Variants in MAP2K5 observed in about 807,000 individuals in gnomAD.
The protein encoded by MAP2K5 is mitogen-activated protein kinase kinase 5, also known as dual specificity mitogen-activated protein kinase kinase 5.
A neutral mutation model predicts 83.1 loss-of-function variants in MAP2K5; 49 were observed. The ratio of observed to expected loss-of-function variants is 0.59; its 90% confidence interval spans 0.47 to 0.75. The LOEUF (loss-of-function observed/expected upper bound fraction) is 0.75, where lower values mean the gene tolerates loss of function less well. Among genes scored for constraint, MAP2K5 ranks in the 30% least tolerant of loss-of-function variants. MAP2K5 has a pLI of 0.00. For missense variants in MAP2K5, 457 were observed against 557.5 expected (o/e 0.82, Z 1.82); for synonymous variants, 202 against 191.8 (o/e 1.05, Z -0.44).
At chr15:67,707,154 A>G (rs2088575312) in intron 16 of MAP2K5, among the ~76,000 whole-genome samples, 1 of 152,184 alleles carries the variant, frequency 6.6e-6, no homozygotes, top group African/African-American at 2.4e-5. Context: ...TGACCTTGTG[A>G]TCTGCCCGTC....
rs541118793 is a variant in MAP2K5 at position 67,792,752 on chromosome 15, G to A, written c.1243-13894G>A. ...GTGAGATATTTCTTTTCCGCCCCCCGCTTTGACCATAAATCTTAAAAGTAA... is the reference window on the plus strand; with the variant it reads ...GTGAGATATTTCTTTTCCGCCCCCCACTTTGACCATAAATCTTAAAAGTAA... On this transcript the variant is annotated intron_variant, in intron 21 of 21. Transcript: ENST00000178640. Among the ~76,000 whole-genome samples the A allele has an allele frequency of 6.0e-4, 91 of 152,240 alleles. 1 individual carries two copies. The highest frequency in any genetic ancestry group is 2.1e-3 in the Admixed American group (32 of 15,282).
chr15:67,726,034 T>G (rs375358838), intron 16 of MAP2K5, among the ~76,000 whole-genome samples: 7 of 152,320 alleles, frequency 4.6e-5, no homozygotes, highest in African/African-American at 1.7e-4. Context: ...CACCCCATCT[T>G]GTGATGTTTT....
At chr15:67,588,117 G>A (rs2141005885) in intron 6 of MAP2K5, 1 of 985,316 alleles carries the variant, frequency 1.0e-6, no homozygotes, top group Non-Finnish European at 1.2e-6. Flanking sequence ...AAGATGAAGT[G>A]TAACCTCCAT....
intron 2 of MAP2K5, among the ~76,000 whole-genome samples, chr15:67,560,377 T>C (rs542427983): frequency 5.3e-5 from 8 of 152,346 alleles, no homozygotes; most frequent in East Asian, 1.9e-4. Flanking sequence ...CGACTAAGCA[T>C]AGATATTAAA....
intron 17 of MAP2K5, among the ~76,000 whole-genome samples, chr15:67,732,912 T>C (rs1337253923): frequency 6.6e-6 from 1 of 152,194 alleles, no homozygotes; most frequent in Non-Finnish European, 1.5e-5. Context: ...GGATGATTAG[T>C]GTGTTTTGTG....
At chr15:67,625,708 G>A (rs2086302261) in intron 8 of MAP2K5, among the ~76,000 whole-genome samples, 1 of 152,196 alleles carries the variant, frequency 6.6e-6, no homozygotes, top group Admixed American at 6.5e-5. Flanking sequence ...TCTCCTTGAT[G>A]ATTAAATGTT....
chr15:67,567,136 G>A (rs2084854674), intron 3 of MAP2K5, among the ~76,000 whole-genome samples: 1 of 152,140 alleles, frequency 6.6e-6, no homozygotes, highest in African/African-American at 2.4e-5. Context: ...AAAGTAATTT[G>A]GTCTCCAAGG....
rs989056142 is a variant in MAP2K5 at position 67,764,413 on chromosome 15, G to A, written c.1135-5189G>A. Reference sequence around the variant, plus strand: ...TTTTACTTTATGCCCCATGACCCTCGTTTGTGAACTCGCGTCTGCCAGCCA... The same window carrying A: ...TTTTACTTTATGCCCCATGACCCTCATTTGTGAACTCGCGTCTGCCAGCCA... On this transcript the variant is annotated intron_variant, in intron 19 of 21. Coordinates refer to ENST00000178640, the MANE Select transcript of MAP2K5 (RefSeq NM_145160.3). The surrounding 1 kb of genome is among the most constrained non-coding windows in gnomAD (Gnocchi z 4.9). Among the ~76,000 whole-genome samples the A allele has an allele frequency of 2.0e-5, 3 of 152,168 alleles. No individual in the cohort carries two copies. Among genetic ancestry groups the A allele is most frequent in the African/African-American group, 7.2e-5 (3 of 41,438 alleles).
chr15:67,789,315 A>G (rs930445342), intron 21 of MAP2K5, among the ~76,000 whole-genome samples: 2 of 152,192 alleles, frequency 1.3e-5, no homozygotes. Context: ...CTGTGTCTCT[A>G]TGTATACATC....
chr15:67,613,383 G>A (rs942959850), intron 8 of MAP2K5, among the ~76,000 whole-genome samples: 3 of 152,152 alleles, frequency 2.0e-5, no homozygotes, highest in African/African-American at 7.2e-5. Flanking sequence ...GCCAGCCAAG[G>A]AATGTTTGTT....
In MAP2K5 at chr15:67,722,234, A is replaced by G. The variant is rs2141241536; in HGVS notation, c.1045-5682A>G. On this transcript the variant is annotated intron_variant, in intron 16 of 21. Transcript: ENST00000178640. This position sits in a 1 kb window ranked among gnomAD's most constrained non-coding sequence, Gnocchi z 4.2. ...ACAAGTTATCAGCTAATGGCGTTAT[A>G]CATTAAAAATTGAAGCTTTCCTCAC... Among the ~76,000 whole-genome samples, 1 of 152,342 alleles carries G rather than the reference A, an allele frequency of 6.6e-6. No homozygotes were observed. The highest frequency in any genetic ancestry group is 2.4e-5 in the African/African-American group (1 of 41,576).
At position 67,543,476 on chromosome 15, in the gene MAP2K5, T is replaced by A; in HGVS notation, c.135+6T>A. 1 of 1,613,600 alleles carries A rather than the reference T, an allele frequency of 6.2e-7. No individual in the cohort carries two copies. Among genetic ancestry groups the A allele is most frequent in the East Asian group, 2.2e-5 (1 of 44,830 alleles). ...TACTCTTCAGGGATGTGCTGGTGAG[T>A]GGTAATCTCAGTGTCCGGATGCCAG... On this transcript the variant is annotated splice_donor_region_variant and intron_variant, in intron 1 of 21. Transcript: ENST00000178640. The surrounding 1 kb of genome is among the most constrained non-coding windows in gnomAD (Gnocchi z 4.3).
Position 67,770,182 on chromosome 15 carries a change from A to G in MAP2K5, c.1196+519A>G, listed in dbSNP as rs535313062. ...ATTTGGAAGACTATGAAAACAGTTC[A>G]GCCCACTTTAACCCTTAAAGAACTG... On this transcript the variant is annotated intron_variant, in intron 20 of 21. Transcript: ENST00000178640. The surrounding 1 kb of genome is among the most constrained non-coding windows in gnomAD (Gnocchi z 5.0). Among the ~76,000 whole-genome samples, 1 of 152,234 alleles carries G rather than the reference A, an allele frequency of 6.6e-6. No homozygotes were observed. Among genetic ancestry groups the G allele is most frequent in the African/African-American group, 2.4e-5 (1 of 41,462 alleles).
chr15:67,573,633 G>GC lies in MAP2K5; in HGVS notation c.253-7117dup, dbSNP rs915000833. On this transcript the variant is annotated intron_variant, in intron 3 of 21. Coordinates refer to ENST00000178640, the MANE Select transcript of MAP2K5 (RefSeq NM_145160.3). This position sits in a 1 kb window ranked among gnomAD's most constrained non-coding sequence, Gnocchi z 4.2. ...TGAGGCTGCGACCTGCTGGGCCGCAGCCCCAGGAAGTCAGGCATTCTTAGT... is the reference window on the plus strand; with the variant it reads ...TGAGGCTGCGACCTGCTGGGCCGCAGCCCCCAGGAAGTCAGGCATTCTTAGT... 5.9e-5 allele frequency among the ~76,000 whole-genome samples: 9 copies of GC among 152,076 alleles called. No homozygotes were observed. The highest frequency in any genetic ancestry group is 2.2e-4 in the African/African-American group (9 of 41,408).
rs35507375 is a variant in MAP2K5, at chr15:67,723,237, G to A, written c.1045-4679G>A. On this transcript the variant is annotated intron_variant, in intron 16 of 21. Transcript: ENST00000178640. Reference sequence around the variant, plus strand: ...TTGTTAAAATACAAAGATTTTTATCGTGTTATATATTTGGCAATTGTTATG... The same window carrying A: ...TTGTTAAAATACAAAGATTTTTATCATGTTATATATTTGGCAATTGTTATG... 5.3e-3 allele frequency among the ~76,000 whole-genome samples: 812 copies of A among 152,084 alleles called. 12 individuals are homozygous for A. Among genetic ancestry groups the A allele is most frequent in the South Asian group, 0.032 (156 of 4,814 alleles).
chr15:67,637,922 G>GTGTA lies in MAP2K5; in HGVS notation c.585+6998_585+6999insATGT, dbSNP rs1745492427. Reference sequence around the variant, plus strand: ...TGGAAGCCTGTTGATGTGTGTGTGAGTGTGTGTGTATGTGTGTTTTAGTAC... The same window carrying GTGTA: ...TGGAAGCCTGTTGATGTGTGTGTGAGTGTATGTGTGTGTATGTGTGTTTTAGTAC... On this transcript the variant is annotated intron_variant, in intron 9 of 21. Transcript: ENST00000178640. The surrounding 1 kb of genome is among the most constrained non-coding windows in gnomAD (Gnocchi z 4.5). Among the ~76,000 whole-genome samples, 2 of 150,594 alleles carry GTGTA rather than the reference G, an allele frequency of 1.3e-5. No homozygotes were observed. Among genetic ancestry groups the GTGTA allele is most frequent in the Admixed American group, 6.6e-5 (1 of 15,144 alleles).
intron 1 of MAP2K5, among the ~76,000 whole-genome samples, chr15:67,547,787 G>A (rs2084427114): frequency 6.6e-6 from 1 of 152,196 alleles, no homozygotes; most frequent in African/African-American, 2.4e-5. Context: ...CTTTAGGTTA[G>A]TTAGGTACAT....
Position 67,780,025 on chromosome 15 carries a change from G to A in MAP2K5, c.1242+7273G>A, listed in dbSNP as rs534903646. 3.3e-5 allele frequency among the ~76,000 whole-genome samples: 5 copies of A among 152,258 alleles called. No homozygotes were observed. The highest frequency in any genetic ancestry group is 5.9e-5 in the Non-Finnish European group (4 of 68,008). ...GAAGGTCTTGGTCCTCCTCCCTGCG[G>A]CTTTTCCCTACTCTTCGACTTTACA... On this transcript the variant is annotated intron_variant, in intron 21 of 21. Transcript: ENST00000178640. The surrounding 1 kb of genome is among the most constrained non-coding windows in gnomAD (Gnocchi z 5.0).
intron 17 of MAP2K5, among the ~76,000 whole-genome samples, chr15:67,730,337 A>G (rs1279229852): frequency 6.6e-6 from 1 of 152,190 alleles, no homozygotes; most frequent in Non-Finnish European, 1.5e-5. Context: ...TTGAACTCCT[A>G]CCACTCTGTG....
Sources: gnomAD v4.1 joint callset for allele counts (sites outside exome capture counted in the v4.1 genomes callset) on GRCh38, gnomAD v4.1.1 for gene constraint, Gnocchi (gnomAD v3.1) non-coding constraint, MANE v1.5 for transcripts, NCBI Gene and HGNC (gene_info 2026-07-23, HGNC 2026-07-21) for gene names.